The following ANKRD36 variants were observed in gnomAD, a reference collection of about 807,000 sequenced individuals.
The protein encoded by ANKRD36 is ankyrin repeat domain 36.
A neutral mutation model predicts 278.1 loss-of-function variants in ANKRD36; 179 were observed. That is an observed-to-expected ratio of 0.64 (90% CI 0.57 to 0.73). The LOEUF (loss-of-function observed/expected upper bound fraction) is 0.73. Among genes scored for constraint, ANKRD36 ranks in the 30% least tolerant of loss-of-function variants. The pLI is 0.00. For synonymous variants in ANKRD36, 320 were observed against 641.1 expected, an observed-to-expected ratio of 0.50 and a Z score of 7.57; for missense variants, 1,159 against 1,956.7, an observed-to-expected ratio of 0.59 and a Z score of 7.69.
In ANKRD36 at chr2:97,211,722, T is replaced by G. The variant is rs1417932658; in HGVS notation, c.3450T>G (p.Asp1150Glu). The G allele has an allele frequency of 6.3e-7, 1 of 1,586,346 alleles. No individual in the cohort carries two copies. The highest frequency in any genetic ancestry group is 2.4e-5 in the East Asian group (1 of 42,320). ...CGAATATGGCCACGGAAAAAAAGGA[T>G]GAACAAATATCTGGGACAGGTAATT... ...SVPNMATEKK[D>E]EQISGTVSCQ... Residue 1150 changes from aspartate (D) to glutamate (E), a missense_variant, in exon 58 of 76, where the codon GAT becomes GAG. Transcript: ENST00000420699.
Position 97,182,934 on chromosome 2 carries a change from G to A in ANKRD36, c.1838-525G>A, listed in dbSNP as rs2443841. On this transcript the variant is annotated intron_variant, in intron 26 of 75. Coordinates refer to ENST00000420699, the MANE Select transcript of ANKRD36 (RefSeq NM_001354587.1). ...TCCCAACCTATATCCAAGCTGTTGAGGCTGGGCCACTTCCACCGAGGACTC... is the reference window on the plus strand; with the variant it reads ...TCCCAACCTATATCCAAGCTGTTGAAGCTGGGCCACTTCCACCGAGGACTC... 1.3e-3 allele frequency among the ~76,000 whole-genome samples: 190 copies of A among 151,656 alleles called. 1 individual carries two copies. Among genetic ancestry groups the A allele is most frequent in the African/African-American group, 3.6e-3 (149 of 41,466 alleles).
chr2:97,225,432 G>T (rs1415690773), intron 67 of ANKRD36, among the ~76,000 whole-genome samples: 1 of 152,004 alleles, frequency 6.6e-6, no homozygotes, highest in East Asian at 2.0e-4. Flanking sequence ...GGCACCTTTG[G>T]TATTAGTGTA....
At chr2:97,209,417 T>G (rs1436254879) in intron 54 of ANKRD36, among the ~76,000 whole-genome samples, 2 of 146,664 alleles carry the variant, frequency 1.4e-5, no homozygotes. Flanking sequence ...ATATCCACAT[T>G]GAGATTGACA....
At chr2:97,133,200 A>G (rs1452016447) in intron 6 of ANKRD36, among the ~76,000 whole-genome samples, 7 of 152,024 alleles carry the variant, frequency 4.6e-5, no homozygotes, top group African/African-American at 1.7e-4. Context: ...TACAGCCCCA[A>G]CTTAATTTTA....
chr2:97,166,127 G>T, intron 20 of ANKRD36, among the ~76,000 whole-genome samples: 1 of 151,798 alleles, frequency 6.6e-6, no homozygotes, highest in Admixed American at 6.6e-5. Flanking sequence ...AAAAGTTTGT[G>T]TACATAAAAG....
chr2:97,181,124 C>A (rs2056084211), intron 24 of ANKRD36, among the ~76,000 whole-genome samples: 1 of 151,608 alleles, frequency 6.6e-6, no homozygotes, highest in Non-Finnish European at 1.5e-5. Context: ...GTGAAGAGAA[C>A]ATTTAACTGA....
At chr2:97,222,711 TTATACATG>T (rs1262385875) in intron 66 of ANKRD36, among the ~76,000 whole-genome samples, 2 of 152,114 alleles carry the variant, frequency 1.3e-5, no homozygotes, top group Non-Finnish European at 2.9e-5. Context: ...GAAATAGAAA[TTATACATG>T]TAAGGTACTA....
chr2:97,183,679 G>A, intron 28 of ANKRD36, 25 bp downstream of exon 28: 1 of 1,555,828 alleles, frequency 6.4e-7, no homozygotes, highest in East Asian at 2.4e-5. Context: ...CACATTTAAT[G>A]TCATGTGCAC....
chr2:97,230,953 A>G (rs2071772693), intron 67 of ANKRD36, among the ~76,000 whole-genome samples: 1 of 152,092 alleles, frequency 6.6e-6, no homozygotes. Context: ...GCAGAACAGC[A>G]GATTTTCATG....
At chr2:97,197,685 T>A (rs2060163269) in intron 42 of ANKRD36, among the ~76,000 whole-genome samples, 2 of 151,944 alleles carry the variant, frequency 1.3e-5, no homozygotes, top group South Asian at 4.2e-4. Context: ...AGTATTGCTG[T>A]GATTTCTGAA....
intron 13 of ANKRD36, 30 bp downstream of exon 13, chr2:97,151,969 T>G (rs1211139011): frequency 7.9e-6 from 11 of 1,390,392 alleles, no homozygotes; most frequent in Non-Finnish European, 9.7e-6. Flanking sequence ...CCTATTGTAG[T>G]ATTTACTGAT....
chr2:97,213,099 T>C (rs957301047), intron 58 of ANKRD36: 4 of 425,936 alleles, frequency 9.4e-6, no homozygotes, highest in African/African-American at 8.2e-5. Context: ...CTCAATTGTA[T>C]GAGTTGCTCC....
rs561610705 is a variant in ANKRD36 at position 97,197,389 on chromosome 2, G to A, written c.2653+601G>A. ...GATTTTGGCTGCTGCAGGAACTGCT[G>A]GAAGAAGGAAACCATTCTGGGATTG... On this transcript the variant is annotated intron_variant, in intron 42 of 75. Transcript: ENST00000420699. Among the ~76,000 whole-genome samples the A allele has an allele frequency of 2.0e-4, 31 of 152,056 alleles. 1 individual carries two copies. Among genetic ancestry groups the A allele is most frequent in the African/African-American group, 7.5e-4 (31 of 41,522 alleles).
At chr2:97,186,574 A>G (rs796222272) in intron 30 of ANKRD36, among the ~76,000 whole-genome samples, 2 of 151,526 alleles carry the variant, frequency 1.3e-5, no homozygotes, top group South Asian at 2.1e-4. Flanking sequence ...GCTAAACTAG[A>G]GAATACAGGA....
At chr2:97,256,527 T>A (rs1268584777) in intron 75 of ANKRD36, among the ~76,000 whole-genome samples, 5 of 146,710 alleles carry the variant, frequency 3.4e-5, no homozygotes, top group Admixed American at 7.0e-5. Context: ...ACAATTGTAA[T>A]CCTTTGTATT....
intron 6 of ANKRD36, among the ~76,000 whole-genome samples, chr2:97,132,671 G>A (rs1311913492): frequency 6.6e-6 from 1 of 152,032 alleles, no homozygotes; most frequent in East Asian, 1.9e-4. Flanking sequence ...TGTGTTTGGC[G>A]ATTCACTTGG....
chr2:97,140,165 C>A (rs1023666103), intron 6 of ANKRD36, among the ~76,000 whole-genome samples: 6 of 151,480 alleles, frequency 4.0e-5, no homozygotes, highest in Non-Finnish European at 7.4e-5. Flanking sequence ...AGGATCTCAG[C>A]GTGTCTTATT....
intron 66 of ANKRD36, among the ~76,000 whole-genome samples, chr2:97,224,152 G>C (rs1314192788): frequency 6.6e-6 from 1 of 151,366 alleles, no homozygotes; most frequent in Non-Finnish European, 1.5e-5. Context: ...AGGTACTATT[G>C]TGAAGTAAAG....
At chr2:97,177,437 G>T (rs1355323748) in intron 22 of ANKRD36, among the ~76,000 whole-genome samples, 4 of 151,826 alleles carry the variant, frequency 2.6e-5, no homozygotes, top group African/African-American at 7.2e-5. Context: ...ATACTACAAG[G>T]CTACAGTAAC....
Sources: allele counts gnomAD v4.1 joint callset (sites outside exome capture counted in the v4.1 genomes callset), GRCh38; gene constraint gnomAD v4.1.1; transcripts MANE v1.5; gene names NCBI Gene and HGNC (gene_info 2026-07-23, HGNC 2026-07-21).